The following GMCL1 variants were observed in gnomAD, a reference collection of about 807,000 sequenced individuals.
GMCL1 encodes the protein germ cell-less protein-like 1.
In GMCL1, 54 loss-of-function variants were observed where a neutral mutation model predicts 75.5. The observed-to-expected ratio is 0.71, with a 90% CI of 0.57 to 0.90. GMCL1 has a LOEUF of 0.90. Ranked by LOEUF, GMCL1 falls within the 40% of genes least tolerant of loss-of-function variation. The pLI is 0.00. For missense variants in GMCL1, 537 were observed against 622.7 expected (o/e 0.86, Z 1.47); for synonymous variants, 210 against 209.6 (o/e 1.00, Z -0.02).
intron 6 of GMCL1, chr2:69,844,823 C>T: frequency 2.7e-6 from 1 of 370,994 alleles, no homozygotes; most frequent in East Asian, 7.8e-5. Flanking sequence ...TACCATGGTT[C>T]TTCACCGTCA....
intron 13 of GMCL1, among the ~76,000 whole-genome samples, chr2:69,878,521 A>C (rs544322071): frequency 6.6e-6 from 1 of 152,206 alleles, no homozygotes; most frequent in Non-Finnish European, 1.5e-5. Context: ...AAGGAAATAA[A>C]TTTTTTTAAA....
In GMCL1 at chr2:69,843,634, T is replaced by A. The variant is rs986339532; in HGVS notation, c.692+373T>A. Among the ~76,000 whole-genome samples, 3 of 152,048 alleles carry A rather than the reference T, an allele frequency of 2.0e-5. No homozygotes were observed. In the East Asian group the frequency reaches 5.8e-4, roughly 29 times the overall value. ...GGAGACCCCATCTCTACAAAAAATT[T>A]TAAAAATTAGCCAGGCATGGTGGCA... On this transcript the variant is annotated intron_variant, in intron 5 of 13. Transcript: ENST00000282570.
intron 6 of GMCL1, among the ~76,000 whole-genome samples, chr2:69,846,691 T>C (rs1400926925): frequency 2.0e-5 from 3 of 152,180 alleles, no homozygotes; most frequent in African/African-American, 4.8e-5. Flanking sequence ...ACTGGTGATA[T>C]CATTTTCACT....
chr2:69,877,251 G>A (rs998711426), intron 13 of GMCL1, among the ~76,000 whole-genome samples: 15 of 152,164 alleles, frequency 9.9e-5, no homozygotes, highest in African/African-American at 3.4e-4. Flanking sequence ...TATCCTGTTT[G>A]GGAATGGAGA....
At chr2:69,830,447 G>C (rs1474458439) in intron 1 of GMCL1, among the ~76,000 whole-genome samples, 1 of 152,224 alleles carries the variant, frequency 6.6e-6, no homozygotes, top group Non-Finnish European at 1.5e-5. Flanking sequence ...CCTTAGAGAC[G>C]CCCGGCTGGC....
intron 3 of GMCL1, 46 bp from the exon 4 acceptor site, chr2:69,840,896 A>G (rs774227237): frequency 1.8e-4 from 229 of 1,294,780 alleles, no homozygotes; most frequent in South Asian, 1.2e-5. Flanking sequence ...AACACTTGTA[A>G]TAGATATAAA....
chr2:69,868,249 G>A (rs1248821104), intron 11 of GMCL1, among the ~76,000 whole-genome samples: 1 of 147,934 alleles, frequency 6.8e-6, no homozygotes, highest in East Asian at 2.0e-4. Flanking sequence ...AAAAAAAAAA[G>A]CTTTGCCCTT....
At chr2:69,862,234 A>T (rs368630518) in intron 10 of GMCL1, among the ~76,000 whole-genome samples, 1 of 152,114 alleles carries the variant, frequency 6.6e-6, no homozygotes, top group Admixed American at 6.5e-5. Flanking sequence ...AAGACCTTCA[A>T]AGTTTAATTT....
In GMCL1 at chr2:69,830,161, G is replaced by A. The variant is rs770184867; in HGVS notation, c.260+9G>A. The A allele has an allele frequency of 1.4e-4, 211 of 1,554,690 alleles. No homozygotes were observed. Among genetic ancestry groups the A allele is most frequent in the Non-Finnish European group, 1.8e-4 (206 of 1,149,316 alleles). On this transcript the variant is annotated intron_variant, in intron 1 of 13. Coordinates refer to ENST00000282570, the MANE Select transcript of GMCL1 (RefSeq NM_178439.5). ...CTCAACACCCCTCGAAGGTACGTGG[G>A]GGCACGCACCCGCGCGGACCCGGAC...
chr2:69,842,985 C>T (rs1345796698), intron 4 of GMCL1, 164 bp from the exon 5 acceptor site: 3 of 373,226 alleles, frequency 8.0e-6, no homozygotes, highest in East Asian at 4.6e-5. Flanking sequence ...TTTTATTGGA[C>T]TTGTTAAAAA....
chr2:69,830,922 ATTTCT>A (rs1333740228), intron 1 of GMCL1, among the ~76,000 whole-genome samples: 1 of 151,980 alleles, frequency 6.6e-6, no homozygotes, highest in East Asian at 1.9e-4. Context: ...TTTTTAAATG[ATTTCT>A]TTTTCTTTTT....
At chr2:69,870,240 A>G (rs771261538) in intron 12 of GMCL1, among the ~76,000 whole-genome samples, 1 of 151,870 alleles carries the variant, frequency 6.6e-6, no homozygotes, top group Non-Finnish European at 1.5e-5. Context: ...TTTGCCCAGT[A>G]GTTGCTGGCA....
intron 6 of GMCL1, chr2:69,844,544 CT>C (rs34141260): frequency 0.65 from 85,178 of 132,012 alleles, 27,493 homozygotes; most frequent in South Asian, 0.85. Flanking sequence ...CTGTTTTGGC[CT>C]TTTTTTTTTT....
intron 8 of GMCL1, 72 bp from the exon 9 acceptor site, chr2:69,854,751 C>A: frequency 8.0e-7 from 1 of 1,254,898 alleles, no homozygotes; most frequent in Non-Finnish European, 1.1e-6. Context: ...GTACGTATCC[C>A]CCGTCCACAA....
chr2:69,855,987 G>C (rs1675457276), intron 9 of GMCL1, among the ~76,000 whole-genome samples: 2 of 152,102 alleles, frequency 1.3e-5, no homozygotes, highest in African/African-American at 4.8e-5. Context: ...AAGTGGATAA[G>C]CTTTATATTT....
chr2:69,860,683 A>T (rs1675614254), intron 9 of GMCL1, among the ~76,000 whole-genome samples: 1 of 152,358 alleles, frequency 6.6e-6, no homozygotes, highest in African/African-American at 2.4e-5. Flanking sequence ...ACGCAAGAAT[A>T]TGCTTTTAAC....
At position 69,839,551 on chromosome 2, in the gene GMCL1, A is replaced by G. The variant is rs779217174; in HGVS notation, c.479A>G (p.Glu160Gly). 1.3e-6 allele frequency: 2 copies of G among 1,519,542 alleles called. No individual in the cohort carries two copies. The highest frequency in any genetic ancestry group is 1.4e-5 in the African/African-American group (1 of 73,108). The allele number at this position is 1,519,542 out of a possible 1,614,324, so 94.1% of individuals were successfully genotyped here. The change falls in exon 3 of 14, where the codon GAA becomes GGA. Residue 160 changes from glutamate (E) to glycine (G), a missense_variant and splice_region_variant. Coordinates refer to ENST00000282570, the MANE Select transcript of GMCL1 (RefSeq NM_178439.5). The stretch of plus-strand genomic sequence containing the variant: ...ATTCCTGACCAGAACATTGATGTAG[A>G]AGGTAACTACCACAATAATTACTAT... ...LEIPDQNIDV[E>G]ALQVAFGSLY...
chr2:69,865,124 T>A, intron 11 of GMCL1, 149 bp downstream of exon 11: 1 of 564,786 alleles, frequency 1.8e-6, no homozygotes, highest in Non-Finnish European at 3.1e-6. Flanking sequence ...GGAAAGTAGT[T>A]ACAGCCACCA....
chr2:69,855,952 T>C (rs1675455820), intron 9 of GMCL1, among the ~76,000 whole-genome samples: 1 of 152,132 alleles, frequency 6.6e-6, no homozygotes, highest in South Asian at 2.1e-4. Flanking sequence ...TCTAAAGTAG[T>C]TTAATTTAAG....
Sources: gnomAD v4.1 joint callset for allele counts (sites outside exome capture counted in the v4.1 genomes callset) on GRCh38, gnomAD v4.1.1 for gene constraint, MANE v1.5 for transcripts, NCBI Gene and HGNC (gene_info 2026-07-23, HGNC 2026-07-21) for gene names.